Variants in TOM1L2 observed in about 807,000 individuals in gnomAD.
TOM1L2 encodes the protein TOM1-like protein 2.
TOM1L2 carries 31 observed loss-of-function variants against 67.9 expected under a neutral mutation model. The observed-to-expected ratio is 0.46, with a 90% CI of 0.34 to 0.62. The LOEUF is 0.62. Among genes scored for constraint, TOM1L2 ranks in the 20% least tolerant of loss-of-function variants. The pLI, the probability that TOM1L2 is intolerant of heterozygous loss-of-function variation, is 0.01. For synonymous variants in TOM1L2, 256 were observed against 254.0 expected, an observed-to-expected ratio of 1.01 and a Z score of -0.07; for missense variants, 606 against 663.5, an observed-to-expected ratio of 0.91 and a Z score of 0.95.
intron 13 of TOM1L2, 78 bp from the exon 14 acceptor site, chr17:17,848,937 GC>G: frequency 6.7e-7 from 1 of 1,495,564 alleles, no homozygotes; most frequent in Non-Finnish European, 9.3e-7. Context: ...TCTGCCCATG[GC>G]CACCCTAGGA....
rs79396371 is a variant in TOM1L2, at chr17:17,937,259, G to A, written c.53-29728C>T. ...AAAAGCCTAATGAATTCCCTCCTCC[G>A]GTTTTGTAACAAGCATTCTACTGTA... On this transcript the variant is annotated intron_variant, in intron 1 of 14. Transcript: ENST00000379504. 7.3e-3 allele frequency among the ~76,000 whole-genome samples: 1,113 copies of A among 152,218 alleles called. 13 individuals are homozygous for A. Among genetic ancestry groups the A allele is most frequent in the African/African-American group, 0.026 (1,068 of 41,530 alleles).
intron 8 of TOM1L2, among the ~76,000 whole-genome samples, chr17:17,867,535 C>G (rs953903360): frequency 1.3e-5 from 2 of 152,072 alleles, no homozygotes; most frequent in Non-Finnish European, 2.9e-5. Flanking sequence ...GAGCAACTGT[C>G]GAAGGCCAGG....
chr17:17,862,523 G>GT (rs1184032250), intron 11 of TOM1L2: 40 of 580,374 alleles, frequency 6.9e-5, no homozygotes, highest in Non-Finnish European at 1.2e-4. Flanking sequence ...GCAGGAGAGT[G>GT]TGTGTGTGTT....
chr17:17,956,623 C>T (rs571115943), intron 1 of TOM1L2, among the ~76,000 whole-genome samples: 2 of 152,338 alleles, frequency 1.3e-5, no homozygotes, highest in South Asian at 4.1e-4. Context: ...GCTGCAGGTC[C>T]AGAGTCCTGC....
At chr17:17,885,148 G>A (rs956056065) in intron 4 of TOM1L2, among the ~76,000 whole-genome samples, 3 of 152,252 alleles carry the variant, frequency 2.0e-5, no homozygotes, top group Non-Finnish European at 4.4e-5. Context: ...AGCCTTGTCA[G>A]CTCAGCAGGG....
chr17:17,943,543 T>C (rs996105694), intron 1 of TOM1L2, among the ~76,000 whole-genome samples: 1 of 152,174 alleles, frequency 6.6e-6, no homozygotes, highest in African/African-American at 2.4e-5. Context: ...GAGCAGCCAG[T>C]GCAAATGCAT....
intron 1 of TOM1L2, among the ~76,000 whole-genome samples, chr17:17,927,506 T>C (rs1052811410): frequency 6.6e-6 from 1 of 152,176 alleles, no homozygotes; most frequent in African/African-American, 2.4e-5. Flanking sequence ...AAACATTCCC[T>C]GAAGAACATG....
chr17:17,916,670 T>C (rs145868968), intron 1 of TOM1L2, among the ~76,000 whole-genome samples: 3 of 152,310 alleles, frequency 2.0e-5, no homozygotes, highest in Non-Finnish European at 4.4e-5. Flanking sequence ...GTGATTATTA[T>C]AGTTTTGAAG....
intron 1 of TOM1L2, among the ~76,000 whole-genome samples, chr17:17,945,804 GA>G (rs1206045336): frequency 1.3e-5 from 2 of 152,074 alleles, no homozygotes; most frequent in East Asian, 1.9e-4. Flanking sequence ...GAAGAAAAAA[GA>G]AGAAAAGCTA....
intron 1 of TOM1L2, among the ~76,000 whole-genome samples, chr17:17,948,863 G>A (rs2041064593): frequency 6.6e-6 from 1 of 152,130 alleles, no homozygotes; most frequent in African/African-American, 2.4e-5. Flanking sequence ...ATTGCCTGAT[G>A]GATCAAAGAC....
intron 1 of TOM1L2, among the ~76,000 whole-genome samples, chr17:17,943,343 A>AG (rs2040812449): frequency 6.6e-6 from 1 of 152,176 alleles, no homozygotes; most frequent in Non-Finnish European, 1.5e-5. Context: ...CTAGGGAGTT[A>AG]GGAAGGCAAA....
At chr17:17,891,656 T>A (rs1351999874) in intron 4 of TOM1L2, among the ~76,000 whole-genome samples, 1 of 152,136 alleles carries the variant, frequency 6.6e-6, no homozygotes, top group Non-Finnish European at 1.5e-5. Context: ...AGGACATGCT[T>A]TGTGAGAAGA....
chr17:17,866,809 C>A, intron 9 of TOM1L2, 67 bp downstream of exon 9: 1 of 1,460,994 alleles, frequency 6.8e-7, no homozygotes, highest in South Asian at 1.1e-5. Context: ...GAGGTCTCTC[C>A]AGCCTCCAAA....
intron 1 of TOM1L2, among the ~76,000 whole-genome samples, chr17:17,935,155 G>A (rs962498772): frequency 9.9e-5 from 15 of 152,246 alleles, no homozygotes; most frequent in Non-Finnish European, 2.2e-4. Flanking sequence ...GGAAGCCTCT[G>A]TGGCTATCAA....
chr17:17,958,601 T>C (rs1030100880), intron 1 of TOM1L2, among the ~76,000 whole-genome samples: 3 of 152,168 alleles, frequency 2.0e-5, no homozygotes, highest in Non-Finnish European at 4.4e-5. Context: ...CAAGAGGCTG[T>C]GAGCTAAATA....
intron 12 of TOM1L2, among the ~76,000 whole-genome samples, chr17:17,851,611 C>T (rs377548130): frequency 2.0e-5 from 3 of 152,176 alleles, no homozygotes; most frequent in African/African-American, 4.8e-5. Context: ...ACAGCAAAAA[C>T]GAGGGCTCTG....
At chr17:17,903,378 C>T (rs1438010377) in intron 2 of TOM1L2, among the ~76,000 whole-genome samples, 1 of 152,132 alleles carries the variant, frequency 6.6e-6, no homozygotes, top group Non-Finnish European at 1.5e-5. Context: ...AATCCCAGCA[C>T]TTTGGGAGGC....
chr17:17,900,287 AGATGG>A (rs2038785483), intron 2 of TOM1L2, among the ~76,000 whole-genome samples: 1 of 151,840 alleles, frequency 6.6e-6, no homozygotes. Context: ...TGGGAGGCCG[AGATGG>A]GTGGATCACT....
intron 1 of TOM1L2, among the ~76,000 whole-genome samples, chr17:17,967,703 G>C (rs1345402429): frequency 6.6e-6 from 1 of 152,100 alleles, no homozygotes; most frequent in Non-Finnish European, 1.5e-5. Context: ...CACCTCCCAG[G>C]TTCAAGGGAT....
Sources: gnomAD v4.1 joint callset for allele counts (sites outside exome capture counted in the v4.1 genomes callset) on GRCh38, gnomAD v4.1.1 for gene constraint, MANE v1.5 for transcripts, NCBI Gene and HGNC (gene_info 2026-07-23, HGNC 2026-07-21) for gene names.